Variants in KCNQ1 observed in about 807,000 individuals in gnomAD.
KCNQ1 encodes the protein potassium voltage-gated channel subfamily KQT member 1.
Under a neutral mutation model 72.4 loss-of-function variants are expected in KCNQ1, and 49 were observed. The observed-to-expected ratio is 0.68, with a 90% CI of 0.54 to 0.86. KCNQ1 has a LOEUF of 0.86. KCNQ1 is among the 40% of genes least tolerant of loss of function. The pLI is 0.00. For synonymous variants in KCNQ1, 450 were observed against 412.6 expected (o/e 1.09, Z -1.10); for missense variants, 790 against 945.1 (o/e 0.84, Z 2.15).
intron 2 of KCNQ1, among the ~76,000 whole-genome samples, chr11:2,556,710 C>T (rs1848075597): frequency 6.6e-6 from 1 of 152,172 alleles, no homozygotes; most frequent in Non-Finnish European, 1.5e-5. Flanking sequence ...GGGTGAAATG[C>T]AGTCACACGC....
chr11:2,631,142 G>A, intron 10 of KCNQ1: 2 of 398,544 alleles, frequency 5.0e-6, no homozygotes, highest in Middle Eastern at 1.3e-3. Context: ...CCAGATATGG[G>A]AAGTTTTCAG....
chr11:2,578,679 G>A (rs993488877), intron 6 of KCNQ1, among the ~76,000 whole-genome samples: 9 of 152,252 alleles, frequency 5.9e-5, no homozygotes, highest in Non-Finnish European at 5.9e-5. Context: ...CGGAGCCCCT[G>A]CCGCCCTCCT....
chr11:2,584,379 TTG>T (rs548681588), intron 7 of KCNQ1, among the ~76,000 whole-genome samples: 2 of 151,040 alleles, frequency 1.3e-5, no homozygotes, highest in African/African-American at 4.9e-5. Flanking sequence ...GTTAGTGTGT[TTG>T]TGTGTTAGTG....
At chr11:2,799,632 T>C (rs1847217788) in intron 15 of KCNQ1, among the ~76,000 whole-genome samples, 1 of 152,102 alleles carries the variant, frequency 6.6e-6, no homozygotes, top group Non-Finnish European at 1.5e-5. Context: ...TCCAAGGGGC[T>C]CGTGCACTCG....
Position 2,687,792 on chromosome 11 carries a change from C to T in KCNQ1, c.1514+25711C>T, listed in dbSNP as rs1850516478. The T allele has an allele frequency of 2.5e-6, 1 of 398,708 alleles. No homozygotes were observed. The highest frequency in any genetic ancestry group is 4.4e-6 in the Non-Finnish European group (1 of 226,178). 24.7% of individuals were successfully genotyped at this position (398,708 alleles called of 1,614,324 possible). ...AGCAGGCCTAACCACACCCCTAAGC[C>T]ACCCAGCCTGGCCCCCCTCCTCTGC... On this transcript the variant is annotated intron_variant, in intron 11 of 15. Coordinates refer to ENST00000155840, the MANE Select transcript of KCNQ1 (RefSeq NM_000218.3). This position sits in a 1 kb window ranked among gnomAD's most constrained non-coding sequence, Gnocchi z 5.0.
At position 2,447,803 on chromosome 11, in the gene KCNQ1, CA is replaced by C. The variant is rs1384155254; in HGVS notation, c.386+2320del. ...AAGAGCCAGGGCCCAGGCATGTGTG[CA>C]GGGGGGTTGAGGCAGGAGCCGGTGT... On this transcript the variant is annotated intron_variant, in intron 1 of 15. Transcript: ENST00000155840. The surrounding 1 kb of genome is among the most constrained non-coding windows in gnomAD (Gnocchi z 7.6). Among the ~76,000 whole-genome samples the C allele has an allele frequency of 6.6e-6, 1 of 152,182 alleles. No homozygotes were observed. The highest frequency in any genetic ancestry group is 1.9e-4 in the East Asian group (1 of 5,182).
Position 2,458,998 on chromosome 11 carries a change from G to T in KCNQ1, c.386+13514G>T, listed in dbSNP as rs1284924908. On this transcript the variant is annotated intron_variant, in intron 1 of 15. Coordinates refer to ENST00000155840, the MANE Select transcript of KCNQ1 (RefSeq NM_000218.3). The surrounding 1 kb of genome is among the most constrained non-coding windows in gnomAD (Gnocchi z 4.6). ...TTCCATTTTTGCCCATGCCGCACCT[G>T]CCATGGTGCATTTCTGATTCCCGTG... Among the ~76,000 whole-genome samples the T allele has an allele frequency of 1.3e-5, 2 of 152,210 alleles. No individual in the cohort carries two copies. Among genetic ancestry groups the T allele is most frequent in the African/African-American group, 4.8e-5 (2 of 41,456 alleles).
At chr11:2,736,714 G>T (rs1204252124) in intron 11 of KCNQ1, among the ~76,000 whole-genome samples, 1 of 152,250 alleles carries the variant, frequency 6.6e-6, no homozygotes, top group Non-Finnish European at 1.5e-5. Flanking sequence ...CCAGAGCAAA[G>T]GGCGGCTTCC....
intron 15 of KCNQ1, among the ~76,000 whole-genome samples, chr11:2,806,600 C>T (rs183627752): frequency 2.6e-5 from 4 of 152,326 alleles, no homozygotes; most frequent in African/African-American, 4.8e-5. Flanking sequence ...GTCTGCTTTC[C>T]GAGGAGGCTG....
In KCNQ1 at chr11:2,782,660, G is replaced by A. The variant is rs1267744437; in HGVS notation, c.1794+4623G>A. Among the ~76,000 whole-genome samples the A allele has an allele frequency of 1.3e-5, 2 of 151,922 alleles. No homozygotes were observed. The highest frequency in any genetic ancestry group is 2.4e-5 in the African/African-American group (1 of 41,332). On this transcript the variant is annotated intron_variant, in intron 15 of 15. Coordinates refer to ENST00000155840, the MANE Select transcript of KCNQ1 (RefSeq NM_000218.3). The surrounding 1 kb of genome is among the most constrained non-coding windows in gnomAD (Gnocchi z 6.1). ...CTGTTCAGGTTTTCTATTTCTTCTT[G>A]TATCAGTTTTGATAAGTTATATATT...
intron 2 of KCNQ1, among the ~76,000 whole-genome samples, chr11:2,531,521 G>A (rs933709686): frequency 6.6e-6 from 1 of 152,166 alleles, no homozygotes; most frequent in Non-Finnish European, 1.5e-5. Flanking sequence ...CATCCCAGCA[G>A]CCCTGCCCAC....
intron 10 of KCNQ1, chr11:2,632,016 A>G: frequency 2.5e-6 from 1 of 396,018 alleles, no homozygotes; most frequent in East Asian, 3.6e-5. Flanking sequence ...CCCCATCTCT[A>G]CTAAAAATAC....
intron 15 of KCNQ1, among the ~76,000 whole-genome samples, chr11:2,778,723 G>A (rs986931730): frequency 6.6e-6 from 1 of 152,232 alleles, no homozygotes; most frequent in Non-Finnish European, 1.5e-5. Flanking sequence ...TTATCTTGCC[G>A]AACAGCAAGT....
rs1851176771 is a variant in KCNQ1, at chr11:2,720,073, C to T, written c.1515-48771C>T. ...AAGTCCCTTACTGTCCGTGTCCCTC[C>T]ATGCCAGCTCACTGGAGGGGCTCCT... On this transcript the variant is annotated intron_variant, in intron 11 of 15. Coordinates refer to ENST00000155840, the MANE Select transcript of KCNQ1 (RefSeq NM_000218.3). This position sits in a 1 kb window ranked among gnomAD's most constrained non-coding sequence, Gnocchi z 5.1. 1.3e-5 allele frequency among the ~76,000 whole-genome samples: 2 copies of T among 152,208 alleles called. No individual in the cohort carries two copies. Among genetic ancestry groups the T allele is most frequent in the African/African-American group, 4.8e-5 (2 of 41,452 alleles).
At position 2,834,061 on chromosome 11, in the gene KCNQ1, T is replaced by TC. The variant is rs536972954; in HGVS notation, c.1795-13702dup. Among the ~76,000 whole-genome samples the TC allele has an allele frequency of 9.9e-5, 15 of 152,224 alleles. No homozygotes were observed. The East Asian group carries it at 2.9e-3, about 29-fold the overall frequency. ...GGGAGGACATGGGCAGAGGCTTAGG[T>TC]CCCCTTACACACACACACTGCTGCA... On this transcript the variant is annotated intron_variant, in intron 15 of 15. Transcript: ENST00000155840.
chr11:2,446,553 C>T lies in KCNQ1; in HGVS notation c.386+1069C>T, dbSNP rs1846039789. On this transcript the variant is annotated intron_variant, in intron 1 of 15. Transcript: ENST00000155840. The surrounding 1 kb of genome is among the most constrained non-coding windows in gnomAD (Gnocchi z 8.8). ...TGCCTGCTGGCAGCTGCCACCAGGG[C>T]CTCAGGGCGGGTGACAGCAGGAGCC... Among the ~76,000 whole-genome samples the T allele has an allele frequency of 6.6e-6, 1 of 152,198 alleles. No homozygotes were observed. The highest frequency in any genetic ancestry group is 2.1e-4 in the South Asian group (1 of 4,830).
At chr11:2,455,469 T>C (rs997489334) in intron 1 of KCNQ1, among the ~76,000 whole-genome samples, 11 of 152,086 alleles carry the variant, frequency 7.2e-5, no homozygotes, top group Admixed American at 5.9e-4. Context: ...CCATTTATAA[T>C]AGACACAAAA....
chr11:2,578,587 C>T (rs1198673208), intron 6 of KCNQ1, among the ~76,000 whole-genome samples: 3 of 152,270 alleles, frequency 2.0e-5, no homozygotes, highest in East Asian at 3.8e-4. Context: ...GGCCCAGAGC[C>T]TCCATGAAGA....
chr11:2,767,502 T>C lies in KCNQ1; in HGVS notation c.1515-1342T>C, dbSNP rs146563927. ...CACCTTTAGATCTGTATGATCTCTC[T>C]TTTCCCTTGCCTTTTAGTCTTTCGT... On this transcript the variant is annotated intron_variant, in intron 11 of 15. Transcript: ENST00000155840. The surrounding 1 kb of genome is among the most constrained non-coding windows in gnomAD (Gnocchi z 4.6). Among the ~76,000 whole-genome samples, 173 of 152,346 alleles carry C rather than the reference T, an allele frequency of 1.1e-3. No homozygotes were observed. Among genetic ancestry groups the C allele is most frequent in the African/African-American group, 4.1e-3 (169 of 41,568 alleles).
Sources: allele counts gnomAD v4.1 joint callset (sites outside exome capture counted in the v4.1 genomes callset), GRCh38; gene constraint gnomAD v4.1.1; non-coding constraint Gnocchi (gnomAD v3.1); transcripts MANE v1.5; gene names NCBI Gene and HGNC (gene_info 2026-07-23, HGNC 2026-07-21).